HTR1E: variants seen among roughly 807,000 people sequenced by gnomAD.
HTR1E encodes 5-HT-1E.
Under a neutral mutation model 3.4 loss-of-function variants are expected in HTR1E, and 3 were observed. That is an observed-to-expected ratio of 0.89 (90% confidence interval 0.41 to 2.31). The LOEUF (loss-of-function observed/expected upper bound fraction) is 2.31, where lower values mean the gene tolerates loss of function less well. HTR1E is among the 30% of genes most tolerant of loss of function. The pLI is 0.05. For missense variants in HTR1E, 392 were observed against 467.0 expected (o/e 0.84, Z 1.48); for synonymous variants, 170 against 182.8 (o/e 0.93, Z 0.56).
chr6:86,966,805 A>G lies in HTR1E; in HGVS notation c.-186+28982A>G, dbSNP rs574465974. Among the ~76,000 whole-genome samples, 3 of 152,336 alleles carry G rather than the reference A, an allele frequency of 2.0e-5. No homozygotes were observed. In the South Asian group the frequency reaches 6.2e-4, roughly 32 times the overall value. On this transcript the variant is annotated intron_variant, in intron 1 of 1. Transcript: ENST00000305344. ...CATATCTGAAGGCTTGAAGATACAA[A>G]TGTGCGTTTTCATTACACCAGGGCT... is the stretch of plus-strand genomic sequence containing the variant.
chr6:86,999,088 T>C (rs554115679), intron 1 of HTR1E, among the ~76,000 whole-genome samples: 1 of 152,138 alleles, frequency 6.6e-6, no homozygotes, highest in South Asian at 2.1e-4. Context: ...GCCTCCCGAG[T>C]AGCTGGGATT....
At chr6:86,957,274 C>T (rs1163804201) in intron 1 of HTR1E, among the ~76,000 whole-genome samples, 1 of 152,126 alleles carries the variant, frequency 6.6e-6, no homozygotes. Flanking sequence ...TCATTTTTTC[C>T]CTGCCTTCTG....
chr6:87,007,254 T>C (rs908193815), intron 1 of HTR1E, among the ~76,000 whole-genome samples: 6 of 152,072 alleles, frequency 3.9e-5, no homozygotes, highest in African/African-American at 7.2e-5. Context: ...TCTCACTTAT[T>C]TGTAGGAGCT....
intron 1 of HTR1E, among the ~76,000 whole-genome samples, chr6:87,004,090 AAGTAAT>A (rs1195896686): frequency 6.6e-6 from 1 of 152,190 alleles, no homozygotes; most frequent in African/African-American, 2.4e-5. Context: ...GACTAATAAC[AAGTAAT>A]GAGATAAAAC....
rs538887900 is a variant in HTR1E at position 87,007,010 on chromosome 6, G to A, written c.-185-8140G>A. On this transcript the variant is annotated intron_variant, in intron 1 of 1. Transcript: ENST00000305344. ...ACTAGGTGATGGCTTGATAGGTGCA[G>A]CAAATCACCATGGCACACGTTTACC... 8.5e-5 allele frequency among the ~76,000 whole-genome samples: 13 copies of A among 152,278 alleles called. No individual in the cohort carries two copies. The South Asian group carries it at 2.7e-3, about 32-fold the overall frequency.
chr6:86,965,381 C>T (rs993270673), intron 1 of HTR1E, among the ~76,000 whole-genome samples: 2 of 152,182 alleles, frequency 1.3e-5, no homozygotes, highest in African/African-American at 4.8e-5. Context: ...AACACTAGAA[C>T]TTCTTAGTAC....
At chr6:86,990,268 T>C (rs748553276) in intron 1 of HTR1E, among the ~76,000 whole-genome samples, 2 of 152,228 alleles carry the variant, frequency 1.3e-5, no homozygotes, top group South Asian at 2.1e-4. Flanking sequence ...GCTTAAATGA[T>C]AGGCATTTCA....
rs1369765534 is a variant in HTR1E, at chr6:86,949,976, AT to A, written c.-186+12154del. Among the ~76,000 whole-genome samples, 2 of 152,146 alleles carry A rather than the reference AT, an allele frequency of 1.3e-5. 1 individual carries two copies. Among genetic ancestry groups the A allele is most frequent in the African/African-American group, 4.8e-5 (2 of 41,434 alleles). ...TGGGGAGGCAGCTGGTCTCTCCCAA[AT>A]GTAAATCAGATTTCATCATGTCTGG... On this transcript the variant is annotated intron_variant, in intron 1 of 1. Coordinates refer to ENST00000305344, the MANE Select transcript of HTR1E (RefSeq NM_000865.3).
Position 87,006,784 on chromosome 6 carries a change from G to A in HTR1E, c.-185-8366G>A, listed in dbSNP as rs113251668. The stretch of plus-strand genomic sequence containing the variant: ...TCATGTCCTTTGCAGGGACATGGAT[G>A]GAGCTGGAAGCCATTATCCTCAGCA... On this transcript the variant is annotated intron_variant, in intron 1 of 1. Coordinates refer to ENST00000305344, the MANE Select transcript of HTR1E (RefSeq NM_000865.3). 3.7e-3 allele frequency among the ~76,000 whole-genome samples: 557 copies of A among 152,300 alleles called. 4 individuals are homozygous for A. Among genetic ancestry groups the A allele is most frequent in the African/African-American group, 9.7e-3 (403 of 41,558 alleles).
At chr6:87,001,393 C>T (rs1768021680) in intron 1 of HTR1E, among the ~76,000 whole-genome samples, 1 of 152,048 alleles carries the variant, frequency 6.6e-6, no homozygotes, top group Admixed American at 6.6e-5. Flanking sequence ...AAAACAAGAC[C>T]CAACAATCTG....
chr6:86,991,516 C>T (rs533588207), intron 1 of HTR1E, among the ~76,000 whole-genome samples: 133 of 152,212 alleles, frequency 8.7e-4, no homozygotes, highest in African/African-American at 3.0e-3. Flanking sequence ...TTATTGCATG[C>T]TCTTCCCTGG....
In HTR1E at chr6:87,016,418, C is replaced by T. The variant is rs768736620; in HGVS notation, c.1084C>T (p.Arg362Ter). 4.9e-5 allele frequency: 79 copies of T among 1,600,618 alleles called. No homozygotes were observed. Among genetic ancestry groups the T allele is most frequent in the South Asian group, 6.7e-5 (6 of 89,902 alleles). Residue 362 changes from arginine (R) to a stop codon, truncating the protein, a stop_gained, in exon 2 of 2, where the codon CGA becomes TGA. Coordinates refer to ENST00000305344, the MANE Select transcript of HTR1E (RefSeq NM_000865.3). LOFTEE classifies it high-confidence loss of function. ...GGCTTTTAAAAAGCTCATTAGATGC[C>T]GAGAGCATACTTAGACTGTAAAAAG... is the stretch of plus-strand genomic sequence containing the variant. Reference protein sequence around the residue: ...KLAFKKLIRCREHT With the variant: ...KLAFKKLIRC
chr6:86,980,563 G>C (rs902581469), intron 1 of HTR1E, among the ~76,000 whole-genome samples: 3 of 151,962 alleles, frequency 2.0e-5, no homozygotes, highest in Non-Finnish European at 2.9e-5. Context: ...CACATTTTTG[G>C]CAAAGATGTG....
intron 1 of HTR1E, among the ~76,000 whole-genome samples, chr6:86,995,680 AAAAAAAAGAAAAAAAAAAAAAAAAG>A (rs1562070233): frequency 1.1e-4 from 7 of 63,176 alleles, no homozygotes; most frequent in Non-Finnish European, 3.1e-4. Flanking sequence ...AAAAAAAAAA[AAAAAAAAGAAAAAAAAAAAAAAAAG>A]AAAACATGAC....
At chr6:86,987,856 A>G (rs1320807552) in intron 1 of HTR1E, among the ~76,000 whole-genome samples, 6 of 152,114 alleles carry the variant, frequency 3.9e-5, no homozygotes, top group Non-Finnish European at 7.4e-5. Flanking sequence ...ACCTTTTATA[A>G]GGGTCTTAAT....
Position 87,016,426 on chromosome 6 carries a change from T to C in HTR1E, c.1092T>C (p.His364=). Residue 364 remains histidine (H), a synonymous_variant, in exon 2 of 2, where the codon CAT becomes CAC. Coordinates refer to ENST00000305344, the MANE Select transcript of HTR1E (RefSeq NM_000865.3). ...AFKKLIRCRE[H]T ...AAAAGCTCATTAGATGCCGAGAGCA[T>C]ACTTAGACTGTAAAAAGCTAAAAGG... 3 of 1,586,386 alleles carry C rather than the reference T, an allele frequency of 1.9e-6. No individual in the cohort carries two copies. Among genetic ancestry groups the C allele is most frequent in the Non-Finnish European group, 2.6e-6 (3 of 1,163,156 alleles).
At chr6:86,998,982 CAG>C (rs1018932447) in intron 1 of HTR1E, among the ~76,000 whole-genome samples, 2 of 151,926 alleles carry the variant, frequency 1.3e-5, no homozygotes, top group African/African-American at 4.8e-5. Flanking sequence ...TATTTTCAAA[CAG>C]AGTCTCGCCC....
intron 1 of HTR1E, among the ~76,000 whole-genome samples, chr6:86,954,146 G>A (rs1329706499): frequency 6.6e-6 from 1 of 152,114 alleles, no homozygotes; most frequent in Non-Finnish European, 1.5e-5. Flanking sequence ...CTACAACAAG[G>A]GATATTATGA....
At position 87,015,594 on chromosome 6, in the gene HTR1E, G is replaced by T. The variant is rs749518023; in HGVS notation, c.260G>T (p.Arg87Leu). 6.2e-7 allele frequency: 1 copy of T among 1,613,866 alleles called. No homozygotes were observed. Among genetic ancestry groups the T allele is most frequent in the Non-Finnish European group, 8.5e-7 (1 of 1,179,930 alleles). Reference protein sequence around the residue: ...PLSIIYIVMDRWKLGYFLCEV... With the variant: ...PLSIIYIVMDLWKLGYFLCEV... ...AGCATCATCTACATTGTCATGGATC[G>T]CTGGAAGCTTGGGTACTTCCTCTGT... The change falls in exon 2 of 2, where the codon CGC becomes CTC. Residue 87 changes from arginine (R) to leucine (L), a missense_variant. Physicochemically the swap from Arg to Leu is moderately radical, Grantham distance 102. Around this residue, in one of 3 missense-constraint regions of HTR1E, gnomAD observed 189 missense variants for 258.0 expected, o/e 0.73. Coordinates refer to ENST00000305344, the MANE Select transcript of HTR1E (RefSeq NM_000865.3).
Sources: allele counts gnomAD v4.1 joint callset (sites outside exome capture counted in the v4.1 genomes callset), GRCh38; gene constraint gnomAD v4.1.1; regional missense constraint gnomAD v4.1.1; transcripts MANE v1.5; gene names NCBI Gene and HGNC (gene_info 2026-07-23, HGNC 2026-07-21).